NPHP4: variants seen among roughly 807,000 people sequenced by gnomAD.
NPHP4 encodes the protein nephrocystin-4.
NPHP4 carries 151 observed loss-of-function variants against 155.8 expected under a neutral mutation model. That is an observed-to-expected ratio of 0.97 (90% CI 0.85 to 1.11). The LOEUF (loss-of-function observed/expected upper bound fraction) is 1.11, where lower values mean the gene tolerates loss of function less well. NPHP4 is among the 50% of genes least tolerant of loss of function. NPHP4 has a pLI of 0.00. For synonymous variants in NPHP4, 845 were observed against 816.8 expected, an observed-to-expected ratio of 1.03 and a Z score of -0.59; for missense variants, 1,956 against 1,925.7, an observed-to-expected ratio of 1.02 and a Z score of -0.29.
rs990532407 is a variant in NPHP4 at position 5,910,418 on chromosome 1, G to A, written c.1442-1205C>T. 2.0e-5 allele frequency among the ~76,000 whole-genome samples: 3 copies of A among 151,968 alleles called. No homozygotes were observed. Among genetic ancestry groups the A allele is most frequent in the Non-Finnish European group, 2.9e-5 (2 of 67,984 alleles). Reference sequence around the variant, plus strand: ...CCCCCATGGCCCTGTCCCACCTCCCGTCACCCCCATGTGGCCCACATCTTG... The same window carrying A: ...CCCCCATGGCCCTGTCCCACCTCCCATCACCCCCATGTGGCCCACATCTTG... On this transcript the variant is annotated intron_variant, in intron 11 of 29. Transcript: ENST00000378156. The surrounding 1 kb of genome is among the most constrained non-coding windows in gnomAD (Gnocchi z 5.4).
At chr1:5,930,949 A>G (rs879617711) in intron 10 of NPHP4, among the ~76,000 whole-genome samples, 2 of 152,140 alleles carry the variant, frequency 1.3e-5, no homozygotes, top group Non-Finnish European at 1.5e-5. Flanking sequence ...TTGAAGCTCT[A>G]TGTTAGATGC....
intron 11 of NPHP4, among the ~76,000 whole-genome samples, chr1:5,921,359 T>C (rs576959332): frequency 1.3e-5 from 2 of 152,368 alleles, no homozygotes; most frequent in African/African-American, 4.8e-5. Context: ...AACAGTCGTC[T>C]GGAAATGGCA....
At chr1:5,964,459 C>G (rs1041286490) in intron 5 of NPHP4, among the ~76,000 whole-genome samples, 2 of 152,162 alleles carry the variant, frequency 1.3e-5, no homozygotes, top group Non-Finnish European at 2.9e-5. Flanking sequence ...TGCCTTTAGA[C>G]CATTAGCATA....
intron 9 of NPHP4, among the ~76,000 whole-genome samples, chr1:5,936,338 G>C (rs1014116186): frequency 1.3e-5 from 2 of 152,204 alleles, no homozygotes; most frequent in Non-Finnish European, 2.9e-5. Flanking sequence ...AGCCCACAGA[G>C]GGACCGGCAG....
rs200114628 is a variant in NPHP4, at chr1:5,874,657, G to A, written c.3045C>T (p.Ser1015=). The change falls in exon 22 of 30, where the codon AGC becomes AGT. Residue 1015 remains serine (S), a splice_region_variant and synonymous_variant. Coordinates refer to ENST00000378156, the MANE Select transcript of NPHP4 (RefSeq NM_015102.5). The part of the protein sequence containing the change: ...VTVEIDNPEL[S]VIVDSQEWRD... ...TCCACTCCTGACTGTCCACGATGACGCTGGGGGAGGCAGTGTCCAGGCGTC... is the reference window on the plus strand; with the variant it reads ...TCCACTCCTGACTGTCCACGATGACACTGGGGGAGGCAGTGTCCAGGCGTC... The A allele has an allele frequency of 3.6e-5, 58 of 1,610,960 alleles. No homozygotes were observed. Among genetic ancestry groups the A allele is most frequent in the Middle Eastern group, 2.0e-4 (1 of 4,960 alleles).
At chr1:5,936,008 C>T (rs1646519079) in intron 9 of NPHP4, among the ~76,000 whole-genome samples, 1 of 152,078 alleles carries the variant, frequency 6.6e-6, no homozygotes. Context: ...GGATCAAAAA[C>T]AAAATAAAGT....
chr1:5,934,056 C>T (rs1426526339), intron 9 of NPHP4, among the ~76,000 whole-genome samples: 2 of 152,176 alleles, frequency 1.3e-5, no homozygotes, highest in Non-Finnish European at 2.9e-5. Context: ...TTAAAATTAC[C>T]AACTTTCATC....
At chr1:5,970,876 A>G (rs1009499097) in intron 3 of NPHP4, among the ~76,000 whole-genome samples, 1 of 152,158 alleles carries the variant, frequency 6.6e-6, no homozygotes, top group African/African-American at 2.4e-5. Context: ...TCGTTATTCT[A>G]TTATCTTTTA....
intron 2 of NPHP4, 77 bp downstream of exon 2, chr1:5,986,078 A>G: frequency 6.6e-7 from 1 of 1,504,610 alleles, no homozygotes; most frequent in Non-Finnish European, 9.2e-7. Flanking sequence ...TAAGCCAGGG[A>G]CCATCCATCT....
At chr1:5,963,085 T>C (rs1015097111) in intron 5 of NPHP4, among the ~76,000 whole-genome samples, 4 of 152,186 alleles carry the variant, frequency 2.6e-5, no homozygotes, top group Non-Finnish European at 5.9e-5. Flanking sequence ...AAGAGCTAAA[T>C]ATGAACTACT....
At chr1:5,893,040 C>A (rs958199945) in intron 16 of NPHP4, among the ~76,000 whole-genome samples, 3 of 152,220 alleles carry the variant, frequency 2.0e-5, no homozygotes, top group African/African-American at 7.2e-5. Context: ...GAGTGGCCAA[C>A]TCCCACGGTG....
intron 9 of NPHP4, among the ~76,000 whole-genome samples, chr1:5,942,050 A>C (rs1646845159): frequency 6.6e-6 from 1 of 152,202 alleles, no homozygotes; most frequent in African/African-American, 2.4e-5. Context: ...AGGTAACTCT[A>C]CAGTGGAGAT....
In NPHP4 at chr1:5,863,955, G is replaced by T. The variant is rs369162678; in HGVS notation, c.4075C>A (p.Arg1359=). Residue 1359 remains arginine, a synonymous_variant, in exon 29 of 30, where the codon CGG becomes AGG. Transcript: ENST00000378156. ...RITYTNPYPS[R]RTFHLHSDHP... Reference sequence around the variant, plus strand: ...TCGCTGTGCAGGTGGAATGTCCTCCGGGAGGGGTAGGGGTTGGTGTAGGTG... The same window carrying T: ...TCGCTGTGCAGGTGGAATGTCCTCCTGGAGGGGTAGGGGTTGGTGTAGGTG... 1 of 1,613,822 alleles carries T rather than the reference G, an allele frequency of 6.2e-7. No individual in the cohort carries two copies. Among genetic ancestry groups the T allele is most frequent in the Non-Finnish European group, 8.5e-7 (1 of 1,179,770 alleles).
rs1644648439 is a variant in NPHP4, at chr1:5,900,953, TG to T, written c.2143+3663del. 2.6e-5 allele frequency among the ~76,000 whole-genome samples: 4 copies of T among 151,906 alleles called. No homozygotes were observed. In the South Asian group the frequency reaches 8.3e-4, roughly 32 times the overall value. On this transcript the variant is annotated intron_variant, in intron 16 of 29. Coordinates refer to ENST00000378156, the MANE Select transcript of NPHP4 (RefSeq NM_015102.5). ...TGGGGGCTAAGGTGGGAGGATTGTT[TG>T]GGCCCAGGAGGTCGAGGCTGCCATG...
intron 20 of NPHP4, chr1:5,876,781 C>G: frequency 3.2e-6 from 1 of 309,248 alleles, no homozygotes; most frequent in East Asian, 5.2e-5. Flanking sequence ...CTCTGGTCCC[C>G]AGACCTGGGA....
At chr1:5,980,043 C>G (rs962360644) in intron 2 of NPHP4, among the ~76,000 whole-genome samples, 6 of 152,138 alleles carry the variant, frequency 3.9e-5, no homozygotes, top group Admixed American at 1.3e-4. Flanking sequence ...GGGTCAGTGA[C>G]CAGACACCTC....
Position 5,867,654 on chromosome 1 carries a change from T to C in NPHP4, c.3472+86A>G. ...CTGACAGCACCAGGGCATGAAGCCA[T>C]GAGGCCATCTGTCACCCTCAAGAGG... On this transcript the variant is annotated intron_variant, in intron 24 of 29. Transcript: ENST00000378156. This position sits in a 1 kb window ranked among gnomAD's most constrained non-coding sequence, Gnocchi z 4.1. The C allele has an allele frequency of 2.8e-6, 4 of 1,408,144 alleles. No individual in the cohort carries two copies. Among genetic ancestry groups the C allele is most frequent in the Non-Finnish European group, 3.9e-6 (4 of 1,021,820 alleles). 87.2% of individuals were successfully genotyped at this position (1,408,144 alleles called of 1,614,324 possible). A position where few individuals can be genotyped will look rare whatever the true frequency, so the allele number is the denominator to read the frequency against.
intron 10 of NPHP4, among the ~76,000 whole-genome samples, chr1:5,932,238 G>A (rs1446437020): frequency 5.3e-5 from 8 of 152,144 alleles, no homozygotes; most frequent in Non-Finnish European, 1.2e-4. Flanking sequence ...CACAATGCAA[G>A]TTTGCTCCAT....
chr1:5,919,824 C>T (rs952801618), intron 11 of NPHP4, among the ~76,000 whole-genome samples: 3 of 151,982 alleles, frequency 2.0e-5, no homozygotes, highest in Non-Finnish European at 4.4e-5. Flanking sequence ...ACTGCAGCCT[C>T]GAATTCCTGG....
Sources: gnomAD v4.1 joint callset for allele counts (sites outside exome capture counted in the v4.1 genomes callset) on GRCh38, gnomAD v4.1.1 for gene constraint, Gnocchi (gnomAD v3.1) non-coding constraint, MANE v1.5 for transcripts, NCBI Gene and HGNC (gene_info 2026-07-23, HGNC 2026-07-21) for gene names.